ETF1: variants seen among roughly 807,000 people sequenced by gnomAD.
The protein encoded by ETF1 is eukaryotic translation termination factor 1, also known as eukaryotic peptide chain release factor subunit 1.
Under a neutral mutation model 55.1 loss-of-function variants are expected in ETF1, and 4 were observed. That is an observed-to-expected ratio of 0.07 (90% confidence interval 0.04 to 0.17). The LOEUF (loss-of-function observed/expected upper bound fraction) is 0.17, where lower values mean the gene tolerates loss of function less well. ETF1 is among the 10% of genes least tolerant of loss of function. The pLI, the probability that ETF1 is intolerant of heterozygous loss-of-function variation, is 1.00. For synonymous variants in ETF1, 157 were observed against 182.3 expected, an observed-to-expected ratio of 0.86 and a Z score of 1.12; for missense variants, 142 against 523.6, an observed-to-expected ratio of 0.27 and a Z score of 7.11.
At chr5:138,531,804 T>C (rs981432228) in intron 2 of ETF1, among the ~76,000 whole-genome samples, 1 of 152,170 alleles carries the variant, frequency 6.6e-6, no homozygotes, top group Non-Finnish European at 1.5e-5. Flanking sequence ...CCCAGCACTT[T>C]GGGAGGCCAA....
chr5:138,523,673 G>C (rs1765333039), intron 2 of ETF1, among the ~76,000 whole-genome samples: 1 of 152,194 alleles, frequency 6.6e-6, no homozygotes, highest in Non-Finnish European at 1.5e-5. Context: ...AAGGGTACAG[G>C]GATTTTTAGG....
chr5:138,535,788 T>G (rs1176901596), intron 2 of ETF1, among the ~76,000 whole-genome samples: 1 of 137,866 alleles, frequency 7.3e-6, no homozygotes, highest in Non-Finnish European at 1.5e-5. Flanking sequence ...CTCGGGAGGC[T>G]GAGCTGAACC....
Position 138,511,399 on chromosome 5 carries a change from C to T in ETF1, c.862+76G>A, listed in dbSNP as rs62382371. ...ATACAATCACGTACATACACACACA[C>T]ACATACACACACACACACACACACA... On this transcript the variant is annotated intron_variant, in intron 7 of 10. Transcript: ENST00000360541. The T allele has an allele frequency of 1.5e-4, 97 of 654,408 alleles. 2 individuals carry two copies. Among genetic ancestry groups the T allele is most frequent in the Middle Eastern group, 6.4e-4 (1 of 1,552 alleles). 40.5% of individuals were successfully genotyped at this position (654,408 alleles called of 1,614,324 possible).
At chr5:138,520,912 T>G (rs1283375984) in intron 2 of ETF1, among the ~76,000 whole-genome samples, 1 of 152,154 alleles carries the variant, frequency 6.6e-6, no homozygotes, top group Non-Finnish European at 1.5e-5. Flanking sequence ...TACAGCCATG[T>G]GGGATAAGTG....
chr5:138,513,341 C>G (rs1764890489), intron 5 of ETF1: 1 of 397,662 alleles, frequency 2.5e-6, no homozygotes, highest in Admixed American at 6.4e-5. Flanking sequence ...AAGCAATTCT[C>G]CTGCCTCAGC....
At chr5:138,519,204 C>T in intron 2 of ETF1, 2 of 985,074 alleles carry the variant, frequency 2.0e-6, no homozygotes, top group Non-Finnish European at 2.4e-6. Flanking sequence ...GGTAGTGAAT[C>T]TGTCCGTGGG....
At position 138,507,328 on chromosome 5, in the gene ETF1, T is replaced by A. The variant is rs1012278023; in HGVS notation, c.*977A>T. 1 of 152,634 alleles carries A rather than the reference T, an allele frequency of 6.6e-6. No individual in the cohort carries two copies. Among genetic ancestry groups the A allele is most frequent in the African/African-American group, 2.4e-5 (1 of 41,452 alleles). The allele number at this position is 152,634 out of a possible 1,614,324, so 9.5% of individuals were successfully genotyped here. On this transcript the variant is annotated 3_prime_UTR_variant, in exon 11 of 11. Coordinates refer to ENST00000360541, the MANE Select transcript of ETF1 (RefSeq NM_004730.4). ...TGAAAAACCTTGCAGTTCATTTTAA[T>A]AAATCAAAACATTCACATAATCTCA...
chr5:138,529,020 C>T (rs921736293), intron 2 of ETF1, among the ~76,000 whole-genome samples: 22 of 152,020 alleles, frequency 1.4e-4, no homozygotes, highest in Non-Finnish European at 3.2e-4. Context: ...GTAGTGCATG[C>T]TTGTAATCCC....
chr5:138,512,253 TATATA>T (rs1200872063), intron 6 of ETF1, among the ~76,000 whole-genome samples: 4 of 12,164 alleles, frequency 3.3e-4, no homozygotes, highest in African/African-American at 1.3e-3. Context: ...TATATATATA[TATATA>T]TTTTTTTTTT....
chr5:138,511,385 T>TACAA (rs1399735475), intron 7 of ETF1, 90 bp downstream of exon 7: 1 of 1,394,530 alleles, frequency 7.2e-7, no homozygotes, highest in African/African-American at 2.3e-5. Flanking sequence ...TACAATCACG[T>TACAA]ACATACACAC....
chr5:138,524,285 G>A (rs1233334965), intron 2 of ETF1, among the ~76,000 whole-genome samples: 1 of 151,832 alleles, frequency 6.6e-6, no homozygotes, highest in Non-Finnish European at 1.5e-5. Context: ...CCTGGGAGAT[G>A]GAGGTTGCAG....
At chr5:138,518,369 CCTGG>C (rs1396947887) in intron 3 of ETF1, among the ~76,000 whole-genome samples, 1 of 151,988 alleles carries the variant, frequency 6.6e-6, no homozygotes, top group Non-Finnish European at 1.5e-5. Context: ...TGCCACCAGG[CCTGG>C]CTAACTTTTG....
At chr5:138,536,114 A>C (rs997265252) in intron 2 of ETF1, among the ~76,000 whole-genome samples, 1 of 152,184 alleles carries the variant, frequency 6.6e-6, no homozygotes, top group African/African-American at 2.4e-5. Context: ...TAATAGTAAA[A>C]GTGCATTTCT....
chr5:138,520,001 T>C (rs1211895840), intron 2 of ETF1, among the ~76,000 whole-genome samples: 4 of 144,756 alleles, frequency 2.8e-5, no homozygotes, highest in Non-Finnish European at 6.0e-5. Context: ...GTCAGAAAGA[T>C]ATCAAACTAA....
At position 138,518,677 on chromosome 5, in the gene ETF1, C is replaced by A. The variant is rs771732860; in HGVS notation, c.262+15G>T. 6.2e-7 allele frequency: 1 copy of A among 1,604,454 alleles called. No individual in the cohort carries two copies. Among genetic ancestry groups the A allele is most frequent in the East Asian group, 2.2e-5 (1 of 44,610 alleles). Reference sequence around the variant, plus strand: ...AAAATGTGTAGAGAAGGAAAAGGAGCAAACTCCAGATTACCTTTGTTATAA... The same window carrying A: ...AAAATGTGTAGAGAAGGAAAAGGAGAAAACTCCAGATTACCTTTGTTATAA... On this transcript the variant is annotated intron_variant, in intron 3 of 10. Coordinates refer to ENST00000360541, the MANE Select transcript of ETF1 (RefSeq NM_004730.4).
In ETF1 at chr5:138,535,874, CAA is replaced by C. The variant is rs35261297; in HGVS notation, c.86+6957_86+6958del. 9.0e-3 allele frequency among the ~76,000 whole-genome samples: 522 copies of C among 57,778 alleles called. 2 individuals carry two copies. Among genetic ancestry groups the C allele is most frequent in the Middle Eastern group, 0.048 (3 of 62 alleles). 37.9% of individuals were successfully genotyped at this position (57,778 alleles called of 152,430 possible). ...TGGGCGGGAAAGCGAGACTCCGCCT[CAA>C]AAAAAAAAAAAAAAAAAAAAAAAAG... On this transcript the variant is annotated intron_variant, in intron 2 of 10. Coordinates refer to ENST00000360541, the MANE Select transcript of ETF1 (RefSeq NM_004730.4).
chr5:138,542,977 G>A, intron 1 of ETF1, 41 bp from the exon 2 acceptor site: 2 of 1,581,354 alleles, frequency 1.3e-6, no homozygotes, highest in South Asian at 2.2e-5. Context: ...CAAGACCACA[G>A]AGTTAGCGCC....
intron 2 of ETF1, among the ~76,000 whole-genome samples, chr5:138,525,161 A>T (rs577971720): frequency 6.9e-6 from 1 of 144,202 alleles, no homozygotes; most frequent in Non-Finnish European, 1.5e-5. Context: ...ACTATTAATA[A>T]TTTTTTTTTT....
At chr5:138,509,727 T>C (rs895166475) in intron 9 of ETF1, among the ~76,000 whole-genome samples, 2 of 151,928 alleles carry the variant, frequency 1.3e-5, no homozygotes, top group African/African-American at 4.8e-5. Context: ...AAACCCAGTC[T>C]CTACTAAAAA....
Sources: gnomAD v4.1 joint callset for allele counts (sites outside exome capture counted in the v4.1 genomes callset) on GRCh38, gnomAD v4.1.1 for gene constraint, MANE v1.5 for transcripts, NCBI Gene and HGNC (gene_info 2026-07-23, HGNC 2026-07-21) for gene names.